Variants in PRKAR2A observed in about 807,000 individuals in gnomAD.
PRKAR2A encodes the protein cAMP-dependent protein kinase type II-alpha regulatory subunit.
In PRKAR2A, 29 loss-of-function variants were observed where a neutral mutation model predicts 51.9. The ratio of observed to expected loss-of-function variants is 0.56; its 90% CI spans 0.42 to 0.76. PRKAR2A has a LOEUF of 0.76. Among genes scored for constraint, PRKAR2A ranks in the 30% least tolerant of loss-of-function variants. The pLI is 0.00. For missense variants in PRKAR2A, 445 were observed against 512.1 expected (o/e 0.87, Z 1.26); for synonymous variants, 178 against 186.2 (o/e 0.96, Z 0.36).
chr3:48,847,586 A>G lies in PRKAR2A; in HGVS notation c.11T>C (p.Ile4Thr). The G allele has an allele frequency of 6.6e-7, 1 of 1,512,818 alleles. No individual in the cohort carries two copies. The highest frequency in any genetic ancestry group is 2.2e-5 in the Admixed American group (1 of 45,454). The allele number at this position is 1,512,818 out of a possible 1,614,324, so 93.7% of individuals were successfully genotyped here. ...CTCCGTGAGCCCCGGCGGGATCTGG[A>G]TGTGGCTCATGCCGGCGGCGGCCGA... MSH[I>T]QIPPGLTELL... The change falls in exon 1 of 11, where the codon ATC becomes ACC. Residue 4 changes from isoleucine to threonine, a missense_variant. Transcript: ENST00000265563. The surrounding 1 kb of genome is among the most constrained non-coding windows in gnomAD (Gnocchi z 4.4).
In PRKAR2A at chr3:48,751,236, G is replaced by A. The variant is rs1373691287; in HGVS notation, c.*349C>T. On this transcript the variant is annotated 3_prime_UTR_variant, in exon 11 of 11. Transcript: ENST00000265563. ...CCTGTGGTAACTTCCAAAAGCAAGA[G>A]TAGCAGCAAGAGAGGAAAGGAGCAT... 6.4e-6 allele frequency: 3 copies of A among 469,138 alleles called. No homozygotes were observed. Among genetic ancestry groups the A allele is most frequent in the African/African-American group, 3.9e-5 (2 of 50,804 alleles). The allele number at this position is 469,138 out of a possible 1,614,324, so 29.1% of individuals were successfully genotyped here.
At chr3:48,781,403 G>A (rs142506112) in intron 5 of PRKAR2A, among the ~76,000 whole-genome samples, 1,712 of 150,822 alleles carry the variant, frequency 0.011, 32 homozygotes, top group Middle Eastern at 0.052. Flanking sequence ...GTGCAGTGGC[G>A]CTATCTTGGC....
rs1259571833 is a variant in PRKAR2A at position 48,833,154 on chromosome 3, GCCC to G, written c.262+14178_262+14180del. ...GGGCTCAAAGAATCCTCCTTCCTCA[GCCC>G]CCCAAGTAGCTGGGAATACAGGTGC... is the stretch of plus-strand genomic sequence containing the variant. On this transcript the variant is annotated intron_variant, in intron 1 of 10. Transcript: ENST00000265563. 2.0e-5 allele frequency among the ~76,000 whole-genome samples: 3 copies of G among 152,164 alleles called. No individual in the cohort carries two copies. In the East Asian group the frequency reaches 5.8e-4, roughly 29 times the overall value.
At chr3:48,801,606 GTTTTA>G (rs1281956439) in intron 2 of PRKAR2A, among the ~76,000 whole-genome samples, 2 of 151,954 alleles carry the variant, frequency 1.3e-5, no homozygotes, top group Non-Finnish European at 1.5e-5. Context: ...ATTTTATTTT[GTTTTA>G]TTTTGAGACT....
At chr3:48,842,289 C>T (rs1421145202) in intron 1 of PRKAR2A, among the ~76,000 whole-genome samples, 2 of 152,130 alleles carry the variant, frequency 1.3e-5, no homozygotes, top group Admixed American at 6.5e-5. Context: ...GCTGAAGTTG[C>T]TTATCAGCTT....
chr3:48,758,376 C>T (rs1270818154), intron 8 of PRKAR2A, among the ~76,000 whole-genome samples: 1 of 151,362 alleles, frequency 6.6e-6, no homozygotes, highest in Non-Finnish European at 1.5e-5. Flanking sequence ...CTCAGGAGTT[C>T]GAGACCAGCT....
chr3:48,750,148 GAGGT>G lies in PRKAR2A; in HGVS notation c.*1433_*1436del, dbSNP rs2081623420. 1 of 152,050 alleles carries G rather than the reference GAGGT, an allele frequency of 6.6e-6. No homozygotes were observed. Among genetic ancestry groups the G allele is most frequent in the African/African-American group, 2.4e-5 (1 of 41,402 alleles). 9.4% of individuals were successfully genotyped at this position (152,050 alleles called of 1,614,324 possible). A position where few individuals can be genotyped will look rare whatever the true frequency, so the allele number is the denominator to read the frequency against. ...AGAGGCTGAGGTGGGCGGATCACCT[GAGGT>G]TGGGAGTTTGAGACCAGCCTGACCA... On this transcript the variant is annotated 3_prime_UTR_variant, in exon 11 of 11. Transcript: ENST00000265563.
At chr3:48,806,914 G>T (rs2082683096) in intron 2 of PRKAR2A, among the ~76,000 whole-genome samples, 1 of 151,846 alleles carries the variant, frequency 6.6e-6, no homozygotes, top group Admixed American at 6.6e-5. Flanking sequence ...GGGACTACAG[G>T]GGCGCGCTAC....
At chr3:48,777,213 GCT>G (rs1057478177) in intron 5 of PRKAR2A, among the ~76,000 whole-genome samples, 2 of 152,064 alleles carry the variant, frequency 1.3e-5, no homozygotes, top group African/African-American at 4.8e-5. Context: ...AGCCTGCCCT[GCT>G]CTCTCTAAAA....
chr3:48,807,782 C>A, intron 1 of PRKAR2A, 98 bp from the exon 2 acceptor site: 1 of 937,996 alleles, frequency 1.1e-6, no homozygotes, highest in Non-Finnish European at 1.7e-6. Flanking sequence ...GACCTAAGCC[C>A]CTCAAAACCA....
intron 9 of PRKAR2A, among the ~76,000 whole-genome samples, chr3:48,755,142 G>A (rs967223665): frequency 6.6e-6 from 1 of 151,108 alleles, no homozygotes; most frequent in Non-Finnish European, 1.5e-5. Context: ...GACTACAGGC[G>A]CCCGCCACCA....
rs769289739 is a variant in PRKAR2A, at chr3:48,847,277, CCCTCTAGA to C, written c.262+50_262+57del. 8.4e-4 allele frequency: 1,312 copies of C among 1,558,818 alleles called. 2 individuals carry two copies. Among genetic ancestry groups the C allele is most frequent in the Non-Finnish European group, 1.1e-3 (1,229 of 1,150,186 alleles). On this transcript the variant is annotated intron_variant, in intron 1 of 10. Transcript: ENST00000265563. This position sits in a 1 kb window ranked among gnomAD's most constrained non-coding sequence, Gnocchi z 4.4. ...GGCGCGACACCTGGCTCCCTGCCAC[CCCTCTAGA>C]CCTCTGGAGACCTCCTGCACCACTC... is the stretch of plus-strand genomic sequence containing the variant.
intron 1 of PRKAR2A, among the ~76,000 whole-genome samples, chr3:48,836,476 TAAAAA>T (rs59774827): frequency 2.5e-5 from 3 of 121,874 alleles, no homozygotes; most frequent in Non-Finnish European, 5.0e-5. Flanking sequence ...ATATATATAT[TAAAAA>T]AAAAAAACTC....
chr3:48,748,987 G>A lies in PRKAR2A; in HGVS notation c.*2598C>T, dbSNP rs1312430044. ...AGAGGAATTACCAAGGTTGTGGTGGGTTATTTACTCTGGAAATATCTTGGT... is the reference window on the plus strand; with the variant it reads ...AGAGGAATTACCAAGGTTGTGGTGGATTATTTACTCTGGAAATATCTTGGT... On this transcript the variant is annotated 3_prime_UTR_variant, in exon 11 of 11. Coordinates refer to ENST00000265563, the MANE Select transcript of PRKAR2A (RefSeq NM_004157.4). The A allele has an allele frequency of 3.9e-5, 6 of 152,286 alleles. No individual in the cohort carries two copies. Among genetic ancestry groups the A allele is most frequent in the Non-Finnish European group, 1.5e-5 (1 of 68,016 alleles). 9.4% of individuals were successfully genotyped at this position (152,286 alleles called of 1,614,324 possible).
chr3:48,840,172 G>A (rs891615901), intron 1 of PRKAR2A, among the ~76,000 whole-genome samples: 1 of 152,106 alleles, frequency 6.6e-6, no homozygotes, highest in Non-Finnish European at 1.5e-5. Context: ...TTTCAATGCT[G>A]TAACATGAAT....
chr3:48,805,659 A>T (rs1575907053), intron 2 of PRKAR2A, among the ~76,000 whole-genome samples: 1 of 152,228 alleles, frequency 6.6e-6, no homozygotes, highest in African/African-American at 2.4e-5. Flanking sequence ...CAACAATACA[A>T]GGAAGGCATT....
chr3:48,754,589 ATGGGG>A (rs1269240703), intron 9 of PRKAR2A, among the ~76,000 whole-genome samples: 1 of 152,004 alleles, frequency 6.6e-6, no homozygotes, highest in African/African-American at 2.4e-5. Flanking sequence ...CCTGGCCAAC[ATGGGG>A]AAACCCTGTC....
At chr3:48,835,742 G>A (rs1206298508) in intron 1 of PRKAR2A, among the ~76,000 whole-genome samples, 5 of 150,258 alleles carry the variant, frequency 3.3e-5, no homozygotes, top group African/African-American at 7.3e-5. Context: ...TGAGCCAATC[G>A]TGTCACTGCA....
intron 9 of PRKAR2A, among the ~76,000 whole-genome samples, chr3:48,756,126 T>C (rs1322480206): frequency 2.0e-5 from 3 of 152,184 alleles, no homozygotes; most frequent in African/African-American, 7.2e-5. Flanking sequence ...CTTATTGATT[T>C]GTAGGCCAAT....
Sources: gnomAD v4.1 joint callset for allele counts (sites outside exome capture counted in the v4.1 genomes callset) on GRCh38, gnomAD v4.1.1 for gene constraint, Gnocchi (gnomAD v3.1) non-coding constraint, MANE v1.5 for transcripts, NCBI Gene and HGNC (gene_info 2026-07-23, HGNC 2026-07-21) for gene names.